MBOAT7: variants seen among roughly 807,000 people sequenced by gnomAD.
MBOAT7 encodes membrane-bound acylglycerophosphatidylinositol O-acyltransferase MBOAT7.
A neutral mutation model predicts 47.4 loss-of-function variants in MBOAT7; 40 were observed. That is an observed-to-expected ratio of 0.84 (90% CI 0.66 to 1.10). MBOAT7 has a LOEUF of 1.10. Among genes scored for constraint, MBOAT7 ranks in the 50% least tolerant of loss-of-function variants. MBOAT7 has a pLI of 0.00. For synonymous variants in MBOAT7, 361 were observed against 292.0 expected (o/e 1.24, Z -2.41); for missense variants, 680 against 655.6 (o/e 1.04, Z -0.41).
chr19:54,185,521 C>A (rs113771358), intron 4 of MBOAT7, among the ~76,000 whole-genome samples: 3 of 152,038 alleles, frequency 2.0e-5, no homozygotes, highest in Non-Finnish European at 2.9e-5. Context: ...ATCCTAAATG[C>A]GCGTTTCCTG....
At chr19:54,181,157 G>A (rs140431223) in intron 5 of MBOAT7, 24 bp from the exon 6 acceptor site, 11 of 1,453,304 alleles carry the variant, frequency 7.6e-6, no homozygotes, top group Middle Eastern at 2.0e-4. Context: ...AGGGAGGGCC[G>A]CGGTCAGACA....
chr19:54,183,785 C>T, intron 4 of MBOAT7, 105 bp from the exon 5 acceptor site: 1 of 1,196,164 alleles, frequency 8.4e-7, no homozygotes, highest in Non-Finnish European at 1.1e-6. Context: ...TGCTGGGTGC[C>T]CGCAGCTCTG....
In MBOAT7 at chr19:54,174,131, C is replaced by T. The variant is rs763878395; in HGVS notation, c.1332G>A (p.Gly444=). The T allele has an allele frequency of 1.2e-6, 2 of 1,600,254 alleles. No individual in the cohort carries two copies. The highest frequency in any genetic ancestry group is 1.3e-5 in the African/African-American group (1 of 74,218). ...TGGGGCTGCCCCCACCTAAAGCCAG[C>T]CCCAGCCCCAGGGCTGCCAGGGCCA... ...HFLALAALGL[G]LALGGGSPSR... The change falls in exon 8 of 8, where the codon GGG becomes GGA. Residue 444 remains glycine (G), a synonymous_variant. Transcript: ENST00000245615.
At chr19:54,175,983 A>G (rs1042920966) in intron 7 of MBOAT7, among the ~76,000 whole-genome samples, 2 of 152,128 alleles carry the variant, frequency 1.3e-5, no homozygotes, top group Non-Finnish European at 2.9e-5. Context: ...GTGGCCTACC[A>G]AAGTGCTGGG....
chr19:54,178,944 G>T lies in MBOAT7; in HGVS notation c.855-3C>A, dbSNP rs1456512186. The T allele has an allele frequency of 6.2e-7, 1 of 1,611,906 alleles. No homozygotes were observed. Among genetic ancestry groups the T allele is most frequent in the Non-Finnish European group, 8.5e-7 (1 of 1,179,306 alleles). On this transcript the variant is annotated splice_region_variant and splice_polypyrimidine_tract_variant and intron_variant, in intron 6 of 7. Coordinates refer to ENST00000245615, the MANE Select transcript of MBOAT7 (RefSeq NM_024298.5). ...CCAAGGAAGCCGCCTTCTCCGGACTGGGGGGTGGAGGATGAGGGTGGGGGA... is the reference window on the plus strand; with the variant it reads ...CCAAGGAAGCCGCCTTCTCCGGACTTGGGGGTGGAGGATGAGGGTGGGGGA...
intron 6 of MBOAT7, chr19:54,179,183 C>G: frequency 1.7e-6 from 1 of 582,138 alleles, no homozygotes; most frequent in Non-Finnish European, 3.0e-6. Flanking sequence ...CTTTTGGTAC[C>G]TAATGGGGCC....
At chr19:54,183,051 G>C (rs371062541) in intron 5 of MBOAT7, among the ~76,000 whole-genome samples, 2 of 152,152 alleles carry the variant, frequency 1.3e-5, no homozygotes, top group East Asian at 3.9e-4. Context: ...TAAAATAAAG[G>C]GACGGGATCT....
chr19:54,181,909 AGGAGGGAAGGAGGGAGGGAGGGAG>A (rs2076292358), intron 5 of MBOAT7, among the ~76,000 whole-genome samples: 1 of 1,816 alleles, frequency 5.5e-4, no homozygotes, highest in African/African-American at 3.3e-3. Flanking sequence ...GAGGGAGGGA[AGGAGGGAAGGAGGGAGGGAGGGAG>A]GGAAGGAGGG....
In MBOAT7 at chr19:54,178,941, A is replaced by G; in HGVS notation, c.855T>C (p.Ser285=). 6.2e-7 allele frequency: 1 copy of G among 1,612,148 alleles called. No individual in the cohort carries two copies. Among genetic ancestry groups the G allele is most frequent in the Non-Finnish European group, 8.5e-7 (1 of 1,179,520 alleles). ...ACTCCAAGGAAGCCGCCTTCTCCGG[A>G]CTGGGGGGTGGAGGATGAGGGTGGG... ...GPTLQCPPPS[S]PEKAASLEYD... Residue 285 remains serine, a splice_region_variant and synonymous_variant, in exon 7 of 8, where the codon AGT becomes AGC. Transcript: ENST00000245615.
At chr19:54,188,088 AAC>A (rs1555842673) in intron 3 of MBOAT7, 127 bp downstream of exon 3, 1 of 806,378 alleles carries the variant, frequency 1.2e-6, no homozygotes, top group Non-Finnish European at 1.9e-6. Context: ...ACAAACATGA[AAC>A]AGAGAAATGA....
chr19:54,188,993 C>T (rs575943864), intron 1 of MBOAT7, among the ~76,000 whole-genome samples: 173 of 151,376 alleles, frequency 1.1e-3, no homozygotes, highest in African/African-American at 3.1e-3. Context: ...TCTTTGGATC[C>T]CCCATCCCCC....
intron 3 of MBOAT7, among the ~76,000 whole-genome samples, 156 bp downstream of exon 3, chr19:54,188,061 G>GAAAGAAAGAAAGAAAGAAAGAA (rs2076497598): frequency 1.9e-5 from 1 of 52,992 alleles, no homozygotes; most frequent in African/African-American, 5.2e-5. Flanking sequence ...AAGAAAGAAA[G>GAAAGAAAGAAAGAAAGAAAGAA]AAAGAAAGAC....
intron 5 of MBOAT7, among the ~76,000 whole-genome samples, chr19:54,183,319 G>C (rs984632247): frequency 6.6e-6 from 1 of 152,176 alleles, no homozygotes; most frequent in African/African-American, 2.4e-5. Context: ...AATTGCTTAG[G>C]TTGAGACAGC....
At chr19:54,178,671 G>T in intron 7 of MBOAT7, 94 bp downstream of exon 7, 1 of 1,518,998 alleles carries the variant, frequency 6.6e-7, no homozygotes, top group Non-Finnish European at 8.8e-7. Flanking sequence ...GCCTCCGGGG[G>T]CAGGGGCCCA....
chr19:54,177,906 T>TTTG (rs2076154873), intron 7 of MBOAT7, among the ~76,000 whole-genome samples: 1 of 56,820 alleles, frequency 1.8e-5, no homozygotes, highest in African/African-American at 5.6e-5. Flanking sequence ...TTCTGTTTTT[T>TTTG]TTTTTTTTTT....
rs763217778 is a variant in MBOAT7, at chr19:54,180,966, C to T, written c.661G>A (p.Ala221Thr). ...LFPLEAVRED[A>T]FYARPLPARL... ...GCGGGCAGCGGGCGGGCGTAGAAGG[C>T]GTCCTCGCGCACGGCCTCCAGCGGG... The change falls in exon 6 of 8, where the codon GCC becomes ACC. Residue 221 changes from alanine to threonine, a missense_variant. Transcript: ENST00000245615. This position sits in a 1 kb window ranked among gnomAD's most constrained non-coding sequence, Gnocchi z 5.2. The T allele has an allele frequency of 7.9e-5, 124 of 1,574,190 alleles. 1 individual carries two copies. Among genetic ancestry groups the T allele is most frequent in the Admixed American group, 2.9e-4 (15 of 51,800 alleles).
At position 54,175,181 on chromosome 19, in the gene MBOAT7, T is replaced by C. The variant is rs138452714; in HGVS notation, c.1032-750A>G. 3.6e-3 allele frequency among the ~76,000 whole-genome samples: 546 copies of C among 152,222 alleles called. 3 individuals are homozygous for C. Among genetic ancestry groups the C allele is most frequent in the African/African-American group, 0.012 (517 of 41,540 alleles). ...TTTTAGTAGAGACGGGGTTTCACCGTGTTAGCCAGGATGGTCTCGATCTCC... is the reference window on the plus strand; with the variant it reads ...TTTTAGTAGAGACGGGGTTTCACCGCGTTAGCCAGGATGGTCTCGATCTCC... On this transcript the variant is annotated intron_variant, in intron 7 of 7. Coordinates refer to ENST00000245615, the MANE Select transcript of MBOAT7 (RefSeq NM_024298.5).
chr19:54,187,152 G>T lies in MBOAT7; in HGVS notation c.333+9C>A, dbSNP rs568362594. 7.7e-6 allele frequency: 12 copies of T among 1,554,604 alleles called. No individual in the cohort carries two copies. The highest frequency in any genetic ancestry group is 9.5e-6 in the Non-Finnish European group (11 of 1,152,618). On this transcript the variant is annotated intron_variant, in intron 4 of 7. Coordinates refer to ENST00000245615, the MANE Select transcript of MBOAT7 (RefSeq NM_024298.5). Reference sequence around the variant, plus strand: ...AGGCTGGAGGGGAGTGGCAAGCCCCGAGTCTGACCTTCAGCGTCAGCAGCA... The same window carrying T: ...AGGCTGGAGGGGAGTGGCAAGCCCCTAGTCTGACCTTCAGCGTCAGCAGCA...
intron 7 of MBOAT7, 33 bp downstream of exon 7, chr19:54,178,732 C>T (rs943823074): frequency 1.9e-6 from 3 of 1,607,860 alleles, no homozygotes; most frequent in Non-Finnish European, 2.6e-6. Flanking sequence ...TGTAGTTCTG[C>T]AGTGTCACCT....
Sources: allele counts gnomAD v4.1 joint callset (sites outside exome capture counted in the v4.1 genomes callset), GRCh38; gene constraint gnomAD v4.1.1; non-coding constraint Gnocchi (gnomAD v3.1); transcripts MANE v1.5; gene names NCBI Gene and HGNC (gene_info 2026-07-23, HGNC 2026-07-21).